The following PPP6R3 variants were observed in gnomAD, a reference collection of about 807,000 sequenced individuals.
The protein encoded by PPP6R3 is serine/threonine-protein phosphatase 6 regulatory subunit 3.
Under a neutral mutation model 110.7 loss-of-function variants are expected in PPP6R3, and 38 were observed. The observed-to-expected ratio is 0.34, with a 90% CI of 0.26 to 0.45. The LOEUF (loss-of-function observed/expected upper bound fraction) is 0.45, where lower values mean the gene tolerates loss of function less well. Ranked by LOEUF, PPP6R3 falls within the 20% of genes least tolerant of loss-of-function variation. PPP6R3 has a pLI of 1.00. For missense variants in PPP6R3, 870 were observed against 1,062.4 expected (o/e 0.82, Z 2.52); for synonymous variants, 369 against 373.5 (o/e 0.99, Z 0.14).
chr11:68,507,352 C>G (rs1477075328), intron 1 of PPP6R3, among the ~76,000 whole-genome samples: 1 of 149,686 alleles, frequency 6.7e-6, no homozygotes, highest in African/African-American at 2.5e-5. Context: ...CTGAAATTGG[C>G]TGATTGAGTT....
intron 1 of PPP6R3, among the ~76,000 whole-genome samples, chr11:68,461,562 A>T (rs1024408296): frequency 3.3e-5 from 5 of 151,844 alleles, no homozygotes; most frequent in African/African-American, 1.2e-4. Context: ...TTCACTGTTT[A>T]CTTGGAGGTG....
At chr11:68,499,522 C>T (rs189958776) in intron 1 of PPP6R3, among the ~76,000 whole-genome samples, 7 of 152,098 alleles carry the variant, frequency 4.6e-5, no homozygotes, top group East Asian at 1.9e-4. Context: ...TTGGAAGTCA[C>T]GTAGCATCTA....
At chr11:68,513,392 G>C (rs2099120443) in intron 1 of PPP6R3, among the ~76,000 whole-genome samples, 1 of 152,106 alleles carries the variant, frequency 6.6e-6, no homozygotes, top group South Asian at 2.1e-4. Flanking sequence ...TTGCAAAAAG[G>C]CTGTGATAAG....
chr11:68,547,942 A>G, intron 4 of PPP6R3, 125 bp from the exon 5 acceptor site: 1 of 953,092 alleles, frequency 1.0e-6, no homozygotes, highest in Non-Finnish European at 1.5e-6. Context: ...TTGCTAATTC[A>G]GCATTTGCCA....
At chr11:68,581,713 C>T (rs1000121029) in intron 14 of PPP6R3, among the ~76,000 whole-genome samples, 1 of 152,250 alleles carries the variant, frequency 6.6e-6, no homozygotes, top group Admixed American at 6.5e-5. Flanking sequence ...TTTCCTGGAA[C>T]ATCCCCATGC....
chr11:68,614,810 G>C lies in PPP6R3; in HGVS notation c.*1693G>C. 6.8e-7 allele frequency: 1 copy of C among 1,467,576 alleles called. No homozygotes were observed. Among genetic ancestry groups the C allele is most frequent in the South Asian group, 1.2e-5 (1 of 82,138 alleles). 90.9% of individuals were successfully genotyped at this position (1,467,576 alleles called of 1,614,324 possible). A position where few individuals can be genotyped will look rare whatever the true frequency, so the allele number is the denominator to read the frequency against. On this transcript the variant is annotated 3_prime_UTR_variant, in exon 24 of 24. Transcript: ENST00000393800. ...CTGGAAGCAGCACCCCCAGAGGACAGGGCTCCTCCTGCTTGCCTCAGGGCT... is the reference window on the plus strand; with the variant it reads ...CTGGAAGCAGCACCCCCAGAGGACACGGCTCCTCCTGCTTGCCTCAGGGCT...
intron 2 of PPP6R3, among the ~76,000 whole-genome samples, chr11:68,521,173 C>A (rs983917443): frequency 6.6e-6 from 1 of 152,198 alleles, no homozygotes; most frequent in African/African-American, 2.4e-5. Flanking sequence ...TGTTCCAGTT[C>A]CCTTGTGATC....
At chr11:68,585,836 C>T (rs543859489) in intron 15 of PPP6R3, among the ~76,000 whole-genome samples, 43 of 152,246 alleles carry the variant, frequency 2.8e-4, no homozygotes, top group African/African-American at 9.2e-4. Flanking sequence ...TCTGTATGTA[C>T]ATGTATGTAT....
chr11:68,509,443 G>T (rs28484774), intron 1 of PPP6R3, among the ~76,000 whole-genome samples: 3,571 of 145,268 alleles, frequency 0.025, 161 homozygotes, highest in African/African-American at 0.085. Context: ...GCTTAAAGCA[G>T]ATTTTATTTT....
At chr11:68,578,781 C>T (rs1242814959) in intron 14 of PPP6R3, among the ~76,000 whole-genome samples, 1 of 152,178 alleles carries the variant, frequency 6.6e-6, no homozygotes, top group Admixed American at 6.5e-5. Flanking sequence ...TCTTTTGGCT[C>T]CATCATACCC....
In PPP6R3 at chr11:68,612,059, G is replaced by A. The variant is rs183219263; in HGVS notation, c.2571-1007G>A. 5.3e-5 allele frequency among the ~76,000 whole-genome samples: 8 copies of A among 152,334 alleles called. No homozygotes were observed. The South Asian group carries it at 6.2e-4, about 12-fold the overall frequency. On this transcript the variant is annotated intron_variant, in intron 23 of 23. Coordinates refer to ENST00000393800, the MANE Select transcript of PPP6R3 (RefSeq NM_001164161.2). ...GTATACTAGTGAAGCCCTGTGGGGC[G>A]TGGGGAGGGTTCTTTTCCCATTTTA... is the stretch of plus-strand genomic sequence containing the variant.
intron 8 of PPP6R3, among the ~76,000 whole-genome samples, chr11:68,560,274 G>A (rs1379074070): frequency 2.6e-5 from 4 of 152,134 alleles, no homozygotes; most frequent in Non-Finnish European, 5.9e-5. Context: ...CCAAAAGCTC[G>A]TTCTTTGAAA....
At chr11:68,503,929 G>GGT (rs907133570) in intron 1 of PPP6R3, among the ~76,000 whole-genome samples, 1 of 152,198 alleles carries the variant, frequency 6.6e-6, no homozygotes, top group African/African-American at 2.4e-5. Flanking sequence ...TTGTTGACCA[G>GGT]GTGTGTGGAA....
At chr11:68,575,905 C>T in intron 13 of PPP6R3, 53 bp from the exon 14 acceptor site, 3 of 1,344,000 alleles carry the variant, frequency 2.2e-6, no homozygotes. Context: ...CTTTATTTGT[C>T]TCCGTGGAGG....
chr11:68,601,580 A>T (rs1473272580), intron 20 of PPP6R3, among the ~76,000 whole-genome samples: 1 of 152,162 alleles, frequency 6.6e-6, no homozygotes, highest in Non-Finnish European at 1.5e-5. Context: ...CTATGGTGGG[A>T]TGAGAAGTTG....
At chr11:68,490,262 T>G (rs1218953809) in intron 1 of PPP6R3, among the ~76,000 whole-genome samples, 2 of 152,204 alleles carry the variant, frequency 1.3e-5, no homozygotes, top group Non-Finnish European at 2.9e-5. Flanking sequence ...CATTCTACTC[T>G]TTCCTGCTTG....
At chr11:68,556,565 A>G (rs1218863479) in intron 7 of PPP6R3, among the ~76,000 whole-genome samples, 3 of 151,880 alleles carry the variant, frequency 2.0e-5, no homozygotes, top group Admixed American at 6.6e-5. Flanking sequence ...AAAAAAAACA[A>G]TGAGCCATTG....
chr11:68,538,256 G>A (rs2099280792), intron 3 of PPP6R3, among the ~76,000 whole-genome samples: 1 of 152,220 alleles, frequency 6.6e-6, no homozygotes, highest in South Asian at 2.1e-4. Flanking sequence ...AGAGCTTGGG[G>A]TTGTGAAGAG....
chr11:68,475,920 A>G (rs1464557246), intron 1 of PPP6R3, among the ~76,000 whole-genome samples: 2 of 147,148 alleles, frequency 1.4e-5, no homozygotes, highest in Non-Finnish European at 3.0e-5. Flanking sequence ...CCGGGCAGAG[A>G]CGCTCCTCAC....
Sources: gnomAD v4.1 joint callset for allele counts (sites outside exome capture counted in the v4.1 genomes callset) on GRCh38, gnomAD v4.1.1 for gene constraint, MANE v1.5 for transcripts, NCBI Gene and HGNC (gene_info 2026-07-23, HGNC 2026-07-21) for gene names.